Variants in TREH observed in about 807,000 individuals in gnomAD.
The protein encoded by TREH is trehalase.
A neutral mutation model predicts 80.5 loss-of-function variants in TREH; 69 were observed. The ratio of observed to expected loss-of-function variants is 0.86; its 90% CI spans 0.71 to 1.05. The LOEUF (loss-of-function observed/expected upper bound fraction) is 1.05. Ranked by LOEUF, TREH falls within the 50% of genes least tolerant of loss-of-function variation. TREH has a pLI of 0.00. For synonymous variants in TREH, 309 were observed against 293.5 expected (o/e 1.05, Z -0.54); for missense variants, 716 against 718.8 (o/e 1.00, Z 0.04).
chr11:118,679,475 T>C (rs1438249441), intron 1 of TREH, 64 bp downstream of exon 1: 5 of 1,393,012 alleles, frequency 3.6e-6, no homozygotes, highest in Non-Finnish European at 4.7e-6. Flanking sequence ...CCCCAGAGCT[T>C]GAGATCTCAT....
At position 118,679,560 on chromosome 11, in the gene TREH, G is replaced by T; in HGVS notation, c.68C>A (p.Ala23Asp). ...CTACCTCTCACAGGGTGGGGGTAGG[G>T]CCTCCTGGGACCCCAGTCCCAGCCC... ...LLGLGLGSQE[A>D]LPPPCESEIY... The change falls in exon 1 of 15, where the codon GCC becomes GAC. Residue 23 changes from alanine to aspartate, a missense_variant. Ala to Asp is a moderately radical substitution (Grantham distance 126). Coordinates refer to ENST00000264029, the MANE Select transcript of TREH (RefSeq NM_007180.3). The T allele has an allele frequency of 6.5e-7, 1 of 1,544,918 alleles. No individual in the cohort carries two copies. Among genetic ancestry groups the T allele is most frequent in the Non-Finnish European group, 8.8e-7 (1 of 1,142,198 alleles).
chr11:118,673,122 T>C (rs1949445601), intron 1 of TREH, among the ~76,000 whole-genome samples: 1 of 152,200 alleles, frequency 6.6e-6, no homozygotes, highest in Non-Finnish European at 1.5e-5. Context: ...TTCCCTGCTG[T>C]TTTAGATAGC....
rs7389 is a variant in TREH at position 118,657,756 on chromosome 11, T to G, written c.*533A>C. 0.32 allele frequency: 50,687 copies of G among 158,626 alleles called. 8,458 individuals carry two copies. Among genetic ancestry groups the G allele is most frequent in the Admixed American group, 0.43 (7,247 of 16,748 alleles). 9.8% of individuals were successfully genotyped at this position (158,626 alleles called of 1,614,324 possible). ...CAGGGAAAGAGGATTCCTCCAATGC[T>G]CCTAGAGAGAAAGCCTGAGCAGGAG... On this transcript the variant is annotated 3_prime_UTR_variant, in exon 15 of 15. Transcript: ENST00000264029.
chr11:118,672,387 GAC>G (rs1949437867), intron 1 of TREH, among the ~76,000 whole-genome samples: 1 of 148,522 alleles, frequency 6.7e-6, no homozygotes, highest in East Asian at 2.0e-4. Flanking sequence ...AACAGAGTGA[GAC>G]ACTGTCTCAG....
chr11:118,660,080 C>A, intron 10 of TREH, 116 bp from the exon 11 acceptor site: 1 of 975,852 alleles, frequency 1.0e-6, no homozygotes, highest in Admixed American at 2.4e-5. Context: ...GGCTGAGACA[C>A]CCTGATGACC....
rs1949198668 is a variant in TREH at position 118,657,765 on chromosome 11, GAA to G, written c.*522_*523del. Reference sequence around the variant, plus strand: ...AGGATTCCTCCAATGCTCCTAGAGAGAAAGCCTGAGCAGGAGATGATGCAGCA... The same window carrying G: ...AGGATTCCTCCAATGCTCCTAGAGAGAGCCTGAGCAGGAGATGATGCAGCA... On this transcript the variant is annotated 3_prime_UTR_variant, in exon 15 of 15. Transcript: ENST00000264029. 6.3e-6 allele frequency: 1 copy of G among 159,976 alleles called. No homozygotes were observed. Among genetic ancestry groups the G allele is most frequent in the Non-Finnish European group, 1.4e-5 (1 of 72,184 alleles). The allele number at this position is 159,976 out of a possible 1,614,324, so 9.9% of individuals were successfully genotyped here. A position where few individuals can be genotyped will look rare whatever the true frequency, so the allele number is the denominator to read the frequency against.
chr11:118,663,492 A>G, intron 1 of TREH, 53 bp from the exon 2 acceptor site: 1 of 1,418,876 alleles, frequency 7.0e-7, no homozygotes, highest in Non-Finnish European at 9.7e-7. Context: ...CCCCATTAGG[A>G]CAGAAGAGAA....
chr11:118,679,404 T>G, intron 1 of TREH, 135 bp downstream of exon 1: 1 of 1,156,718 alleles, frequency 8.6e-7, no homozygotes, highest in Non-Finnish European at 1.1e-6. Context: ...AATTCTCATT[T>G]TCTTCTCTTC....
At position 118,658,934 on chromosome 11, in the gene TREH, A is replaced by G; in HGVS notation, c.1516T>C (p.Tyr506His). 1.2e-6 allele frequency: 2 copies of G among 1,613,968 alleles called. No individual in the cohort carries two copies. The highest frequency in any genetic ancestry group is 1.7e-6 in the Non-Finnish European group (2 of 1,179,868). The stretch of plus-strand genomic sequence containing the variant: ...TCATACATGGCTGACTTCTGCGAGT[A>G]GACATCAAAATTGGTTCGGATCCAA... ...QNWIRTNFDV[Y>H]SQKSAMYEKY... is the part of the protein sequence containing the mutation. Residue 506 changes from tyrosine (Y) to histidine (H), a missense_variant, in exon 13 of 15, where the codon TAC becomes CAC. Transcript: ENST00000264029.
chr11:118,660,485 A>T, intron 10 of TREH, 54 bp downstream of exon 10: 1 of 1,512,678 alleles, frequency 6.6e-7, no homozygotes, highest in Admixed American at 2.0e-5. Flanking sequence ...TCTATTGCCA[A>T]GCCTGAGCAG....
At chr11:118,658,761 C>T (rs1449842133) in intron 13 of TREH, 28 bp from the exon 14 acceptor site, 4 of 1,609,706 alleles carry the variant, frequency 2.5e-6, no homozygotes, top group African/African-American at 2.7e-5. Flanking sequence ...GGCTGTATGT[C>T]AGGTACTGCC....
chr11:118,659,015 G>T lies in TREH; in HGVS notation c.1435C>A (p.Leu479Met), dbSNP rs1405616779. The change falls in exon 13 of 15, where the codon CTG (leucine) becomes ATG (methionine). Residue 479 changes from leucine (L) to methionine (M), a missense_variant and splice_region_variant. Coordinates refer to ENST00000264029, the MANE Select transcript of TREH (RefSeq NM_007180.3). Reference sequence around the variant, plus strand: ...GCCCGACGTAAAGGTGCCTTGGCCAGGCCTAGACCCCATTGCAGGCAGGAC... The same window carrying T: ...GCCCGACGTAAAGGTGCCTTGGCCATGCCTAGACCCCATTGCAGGCAGGAC... ...APLQDLVIRG[L>M]AKAPLRRAQE... 6.2e-7 allele frequency: 1 copy of T among 1,613,528 alleles called. No individual in the cohort carries two copies. The highest frequency in any genetic ancestry group is 1.3e-5 in the African/African-American group (1 of 74,922).
At chr11:118,678,549 G>T (rs1949502879) in intron 1 of TREH, among the ~76,000 whole-genome samples, 1 of 150,546 alleles carries the variant, frequency 6.6e-6, no homozygotes, top group Non-Finnish European at 1.5e-5. Context: ...TTTTCATAGA[G>T]ATGGGGTTTC....
rs1949316363 is a variant in TREH at position 118,661,142 on chromosome 11, G to A, written c.857+18C>T. 1 of 1,613,686 alleles carries A rather than the reference G, an allele frequency of 6.2e-7. No homozygotes were observed. The highest frequency in any genetic ancestry group is 8.5e-7 in the Non-Finnish European group (1 of 1,179,838). On this transcript the variant is annotated intron_variant, in intron 8 of 14. Transcript: ENST00000264029. This position sits in a 1 kb window ranked among gnomAD's most constrained non-coding sequence, Gnocchi z 4.2. ...TGAGCAGGTAAGAGATTGAGGGGTGGGCTGCCCAGTTCCTCACCTGGGTCC... is the reference window on the plus strand; with the variant it reads ...TGAGCAGGTAAGAGATTGAGGGGTGAGCTGCCCAGTTCCTCACCTGGGTCC...
chr11:118,667,309 G>A (rs1314713386), intron 1 of TREH, among the ~76,000 whole-genome samples: 1 of 151,996 alleles, frequency 6.6e-6, no homozygotes, highest in East Asian at 1.9e-4. Context: ...CTCCTGAGTA[G>A]CTGGGACTAC....
At chr11:118,662,582 A>G in intron 4 of TREH, 1 of 422,818 alleles carries the variant, frequency 2.4e-6, no homozygotes, top group South Asian at 2.7e-5. Context: ...GCAGGCAGTG[A>G]ACATCTACCC....
intron 1 of TREH, among the ~76,000 whole-genome samples, chr11:118,672,370 C>T (rs1949437567): frequency 6.6e-6 from 1 of 151,248 alleles, no homozygotes; most frequent in South Asian, 2.1e-4. Flanking sequence ...TGCACTCCAG[C>T]CTGGGCAACA....
Position 118,659,022 on chromosome 11 carries a change from AC to A in TREH, c.1433-6del. 1 of 1,613,306 alleles carries A rather than the reference AC, an allele frequency of 6.2e-7. No homozygotes were observed. Among genetic ancestry groups the A allele is most frequent in the Non-Finnish European group, 8.5e-7 (1 of 1,179,650 alleles). The stretch of plus-strand genomic sequence containing the variant: ...GTAAAGGTGCCTTGGCCAGGCCTAG[AC>A]CCCATTGCAGGCAGGACTCAACCTC... On this transcript the variant is annotated splice_region_variant and splice_polypyrimidine_tract_variant and intron_variant, in intron 12 of 14. Coordinates refer to ENST00000264029, the MANE Select transcript of TREH (RefSeq NM_007180.3).
At chr11:118,658,622 T>C in intron 14 of TREH, 58 bp downstream of exon 14, 2 of 1,550,736 alleles carry the variant, frequency 1.3e-6, no homozygotes, top group East Asian at 2.4e-5. Context: ...GCGGGGGTCA[T>C]GAGCAGCAGA....
Sources: allele counts gnomAD v4.1 joint callset (sites outside exome capture counted in the v4.1 genomes callset), GRCh38; gene constraint gnomAD v4.1.1; non-coding constraint Gnocchi (gnomAD v3.1); transcripts MANE v1.5; gene names NCBI Gene and HGNC (gene_info 2026-07-23, HGNC 2026-07-21).